The following RBPMS variants were observed in gnomAD, a reference collection of about 807,000 sequenced individuals.
RBPMS encodes the protein RNA binding protein, mRNA processing factor.
A neutral mutation model predicts 26.8 loss-of-function variants in RBPMS; 7 were observed. The ratio of observed to expected loss-of-function variants is 0.26; its 90% CI spans 0.15 to 0.49. The LOEUF is 0.49. Among genes scored for constraint, RBPMS ranks in the 20% least tolerant of loss-of-function variants. RBPMS has a pLI of 0.98. For missense variants in RBPMS, 186 were observed against 250.0 expected (o/e 0.74, Z 1.73); for synonymous variants, 96 against 93.3 (o/e 1.03, Z -0.17).
Position 30,421,590 on chromosome 8 carries a change from T to C in RBPMS, c.66+36432T>C, listed in dbSNP as rs4351383. 1.8e-3 allele frequency among the ~76,000 whole-genome samples: 280 copies of C among 152,328 alleles called. 1 individual carries two copies. Among genetic ancestry groups the C allele is most frequent in the African/African-American group, 6.5e-3 (269 of 41,572 alleles). On this transcript the variant is annotated intron_variant, in intron 1 of 8. Coordinates refer to ENST00000397323, the MANE Select transcript of RBPMS (RefSeq NM_001008710.3). The stretch of plus-strand genomic sequence containing the variant: ...TTACAAATTTTCTAGGTACCTACTA[T>C]GTGCCAAGGATAATGTCATATCCTC...
intron 6 of RBPMS, chr8:30,556,493 TC>T: frequency 1.0e-6 from 1 of 986,002 alleles, no homozygotes; most frequent in Non-Finnish European, 1.2e-6. Context: ...GCAGCTCTCC[TC>T]CCCGGGCAGC....
At chr8:30,489,307 G>T (rs1819125432) in intron 4 of RBPMS, among the ~76,000 whole-genome samples, 1 of 152,018 alleles carries the variant, frequency 6.6e-6, no homozygotes, top group Admixed American at 6.6e-5. Context: ...CAGCTTTGCA[G>T]AGTGTTAGGA....
At chr8:30,479,518 C>G (rs1818054570) in intron 4 of RBPMS, 141 bp downstream of exon 4, 1 of 705,896 alleles carries the variant, frequency 1.4e-6, no homozygotes, top group Non-Finnish European at 2.5e-6. Context: ...AATTAGCACT[C>G]TAAAGAGCTT....
intron 1 of RBPMS, among the ~76,000 whole-genome samples, chr8:30,462,607 G>C (rs896153665): frequency 6.6e-6 from 1 of 151,984 alleles, no homozygotes; most frequent in African/African-American, 2.4e-5. Flanking sequence ...TTTTAGTAGA[G>C]ACGAGGTTTC....
At chr8:30,566,014 C>G (rs1416490053) in intron 7 of RBPMS, 1 of 152,618 alleles carries the variant, frequency 6.6e-6, no homozygotes, top group African/African-American at 2.4e-5. Flanking sequence ...CCCCCAGAAG[C>G]CTCCTCTTAC....
intron 5 of RBPMS, among the ~76,000 whole-genome samples, chr8:30,522,926 A>G (rs1384767709): frequency 1.3e-5 from 2 of 152,222 alleles, no homozygotes; most frequent in African/African-American, 4.8e-5. Context: ...ATAGGTCTAT[A>G]TAAGAAGAAT....
chr8:30,545,460 T>C lies in RBPMS; in HGVS notation c.528+836T>C, dbSNP rs911150163. 9.0e-6 allele frequency: 9 copies of C among 1,005,438 alleles called. No homozygotes were observed. In the African/African-American group the frequency reaches 1.4e-4, roughly 16 times the overall value. 62.3% of individuals were successfully genotyped at this position (1,005,438 alleles called of 1,614,324 possible). A position where few individuals can be genotyped will look rare whatever the true frequency, so the allele number is the denominator to read the frequency against. ...GCAAAGATTGATGACCAGTAACAAA[T>C]AGAAAGTACGTACGTAGGTTTCATT... is the stretch of plus-strand genomic sequence containing the variant. On this transcript the variant is annotated intron_variant, in intron 6 of 8. Transcript: ENST00000397323.
At chr8:30,518,687 CTTTTTTTTTTTTTTTTT>C (rs58763494) in intron 5 of RBPMS, among the ~76,000 whole-genome samples, 3 of 18,244 alleles carry the variant, frequency 1.6e-4, no homozygotes, top group Non-Finnish European at 2.0e-4. Context: ...CCAAGCATGA[CTTTTTTTTTTTTTTTTT>C]TTTTTTTTTT....
intron 6 of RBPMS, among the ~76,000 whole-genome samples, chr8:30,545,770 AAC>A (rs1377695163): frequency 6.6e-6 from 1 of 152,034 alleles, no homozygotes; most frequent in East Asian, 1.9e-4. Context: ...CTGAGTTACC[AAC>A]ACGTTGTGCG....
At chr8:30,409,473 G>A (rs931535112) in intron 1 of RBPMS, among the ~76,000 whole-genome samples, 1 of 152,014 alleles carries the variant, frequency 6.6e-6, no homozygotes, top group Non-Finnish European at 1.5e-5. Context: ...GATTACAGGT[G>A]TGAGCCACCA....
intron 5 of RBPMS, among the ~76,000 whole-genome samples, chr8:30,518,156 G>C (rs1006731588): frequency 5.3e-5 from 8 of 152,214 alleles, no homozygotes; most frequent in African/African-American, 1.7e-4. Flanking sequence ...TCTGATAAAG[G>C]AGTATGGAGA....
intron 5 of RBPMS, among the ~76,000 whole-genome samples, chr8:30,536,180 T>G (rs1474353236): frequency 6.8e-6 from 1 of 148,086 alleles, no homozygotes; most frequent in Non-Finnish European, 1.5e-5. Context: ...CAGGCTGGAG[T>G]GCAATGGCAC....
chr8:30,460,620 A>G (rs1374298166), intron 1 of RBPMS, among the ~76,000 whole-genome samples: 1 of 152,244 alleles, frequency 6.6e-6, no homozygotes, highest in Non-Finnish European at 1.5e-5. Context: ...AAGTATAGAT[A>G]TTAAAGGAGA....
intron 8 of RBPMS, among the ~76,000 whole-genome samples, chr8:30,568,873 G>GTGAC (rs2151098416): frequency 6.6e-6 from 1 of 152,342 alleles, no homozygotes; most frequent in Admixed American, 6.5e-5. Flanking sequence ...CTGTGGTAGT[G>GTGAC]TGACTACATT....
intron 1 of RBPMS, among the ~76,000 whole-genome samples, chr8:30,466,656 G>A (rs868386381): frequency 1.3e-5 from 2 of 150,164 alleles, no homozygotes; most frequent in Middle Eastern, 3.4e-3. Flanking sequence ...GTGCAGTGGC[G>A]CAATCTCGGC....
intron 1 of RBPMS, among the ~76,000 whole-genome samples, chr8:30,408,199 TA>T (rs1361334663): frequency 6.6e-6 from 1 of 152,152 alleles, no homozygotes; most frequent in Non-Finnish European, 1.5e-5. Context: ...TCCCCACCCT[TA>T]GTCCATCTAA....
chr8:30,504,536 T>C (rs923369571), intron 5 of RBPMS, 100 bp downstream of exon 5: 4 of 1,220,176 alleles, frequency 3.3e-6, no homozygotes, highest in Non-Finnish European at 4.5e-6. Context: ...GGCTGAGTCT[T>C]ATTTTCCATT....
chr8:30,434,776 A>AACAC (rs33991199), intron 1 of RBPMS, among the ~76,000 whole-genome samples: 13,859 of 147,432 alleles, frequency 0.094, 1,961 homozygotes, highest in African/African-American at 0.31. Context: ...ATTCCCATAT[A>AACAC]ACACACACAC....
intron 5 of RBPMS, among the ~76,000 whole-genome samples, chr8:30,510,781 A>AT (rs1450427101): frequency 1.4e-4 from 22 of 152,172 alleles, no homozygotes; most frequent in Non-Finnish European, 2.5e-4. Flanking sequence ...GTTTCGCCAC[A>AT]TTGGCCAGGC....
Sources: gnomAD v4.1 joint callset for allele counts (sites outside exome capture counted in the v4.1 genomes callset) on GRCh38, gnomAD v4.1.1 for gene constraint, MANE v1.5 for transcripts, NCBI Gene and HGNC (gene_info 2026-07-23, HGNC 2026-07-21) for gene names.